Variants in ASB7 observed in about 807,000 individuals in gnomAD.
The protein encoded by ASB7 is ankyrin repeat and SOCS box containing 7.
ASB7 carries 4 observed loss-of-function variants against 32.5 expected under a neutral mutation model. The observed-to-expected ratio is 0.12, with a 90% confidence interval of 0.06 to 0.28. The LOEUF (loss-of-function observed/expected upper bound fraction) is 0.28, where lower values mean the gene tolerates loss of function less well. ASB7 is among the 10% of genes least tolerant of loss of function. The probability of loss-of-function intolerance (pLI) is 1.00; values close to 1 mark genes in which losing one functional copy is unlikely to be tolerated. For synonymous variants in ASB7, 172 were observed against 155.6 expected, an observed-to-expected ratio of 1.11 and a Z score of -0.78; for missense variants, 181 against 407.1, an observed-to-expected ratio of 0.44 and a Z score of 4.78.
intron 5 of ASB7, among the ~76,000 whole-genome samples, chr15:100,634,105 G>A (rs184364696): frequency 1.3e-3 from 195 of 152,332 alleles, no homozygotes; most frequent in Non-Finnish European, 2.4e-3. Context: ...CCTCAGTAAA[G>A]CTTGAGGAGT....
chr15:100,618,437 A>G (rs1452647646), intron 4 of ASB7, among the ~76,000 whole-genome samples: 1 of 152,120 alleles, frequency 6.6e-6, no homozygotes, highest in African/African-American at 2.4e-5. Context: ...AATTTCTTTA[A>G]AAGTTTGTGA....
chr15:100,614,856 G>C (rs1019020654), intron 4 of ASB7, among the ~76,000 whole-genome samples: 2 of 152,162 alleles, frequency 1.3e-5, no homozygotes, highest in Non-Finnish European at 2.9e-5. Flanking sequence ...GTGGGCTGCA[G>C]GTTGGACAAG....
intron 5 of ASB7, 38 bp downstream of exon 5, chr15:100,630,080 A>G (rs1264887616): frequency 6.7e-7 from 1 of 1,500,440 alleles, no homozygotes; most frequent in East Asian, 2.3e-5. Context: ...CATTTTTTAA[A>G]AATTTGCATC....
intron 3 of ASB7, among the ~76,000 whole-genome samples, chr15:100,611,506 A>C (rs1596998322): frequency 4.3e-4 from 4 of 9,292 alleles, no homozygotes; most frequent in Non-Finnish European, 9.3e-4. Flanking sequence ...TTGAGACAGA[A>C]TTTCACTCTC....
At chr15:100,613,291 T>C (rs1333571457) in intron 4 of ASB7, among the ~76,000 whole-genome samples, 1 of 152,234 alleles carries the variant, frequency 6.6e-6, no homozygotes, top group Non-Finnish European at 1.5e-5. Context: ...CAAACTTCCT[T>C]GCATTTTGAG....
intron 3 of ASB7, 58 bp downstream of exon 3, chr15:100,609,886 C>G (rs1172601191): frequency 1.3e-5 from 2 of 152,188 alleles, no homozygotes; most frequent in Non-Finnish European, 2.9e-5. Context: ...GCTCACTTAA[C>G]TTTTACTTCT....
At chr15:100,604,538 T>C (rs982033722) in intron 2 of ASB7, among the ~76,000 whole-genome samples, 22 of 152,190 alleles carry the variant, frequency 1.4e-4, no homozygotes, top group African/African-American at 5.3e-4. Flanking sequence ...AAAAAGAAAT[T>C]AGTATCTTTA....
chr15:100,618,871 TC>T (rs764154555), intron 4 of ASB7, among the ~76,000 whole-genome samples: 1 of 152,194 alleles, frequency 6.6e-6, no homozygotes, highest in Non-Finnish European at 1.5e-5. Flanking sequence ...GAGGGTTTAG[TC>T]TATGCCAAAT....
intron 4 of ASB7, among the ~76,000 whole-genome samples, chr15:100,627,398 C>T (rs929525306): frequency 3.3e-5 from 5 of 152,270 alleles, no homozygotes; most frequent in African/African-American, 1.2e-4. Flanking sequence ...GAATTTCTGT[C>T]TAGGCGTTTT....
chr15:100,620,401 G>GC (rs1348946422), intron 4 of ASB7, among the ~76,000 whole-genome samples: 1 of 152,212 alleles, frequency 6.6e-6, no homozygotes, highest in African/African-American at 2.4e-5. Flanking sequence ...TGGAACACTG[G>GC]CCTGTGCATA....
chr15:100,608,405 T>C (rs926862987), intron 2 of ASB7, among the ~76,000 whole-genome samples: 30 of 152,256 alleles, frequency 2.0e-4, no homozygotes, highest in Admixed American at 1.9e-3. Flanking sequence ...CCTTTATTTA[T>C]CGAATCAGTT....
intron 5 of ASB7, chr15:100,646,536 T>C: frequency 4.8e-6 from 2 of 417,666 alleles, no homozygotes; most frequent in South Asian, 3.8e-5. Context: ...TGCCCTTTAG[T>C]AATTAATTGA....
chr15:100,646,366 C>A, intron 5 of ASB7: 1 of 382,356 alleles, frequency 2.6e-6, no homozygotes, highest in Non-Finnish European at 5.3e-6. Context: ...ATCAAGGACA[C>A]TTCATTCTGG....
intron 5 of ASB7, among the ~76,000 whole-genome samples, chr15:100,632,951 A>C (rs937601830): frequency 6.6e-6 from 1 of 151,772 alleles, no homozygotes; most frequent in African/African-American, 2.4e-5. Flanking sequence ...GAGGCCATGA[A>C]GAGCTGCTGT....
At chr15:100,628,212 G>C (rs2039856109) in intron 4 of ASB7, among the ~76,000 whole-genome samples, 1 of 152,120 alleles carries the variant, frequency 6.6e-6, no homozygotes, top group Admixed American at 6.5e-5. Flanking sequence ...ATCTTATTTT[G>C]TATAGGTTTT....
At chr15:100,613,215 G>T (rs891958189) in intron 4 of ASB7, among the ~76,000 whole-genome samples, 2 of 152,170 alleles carry the variant, frequency 1.3e-5, no homozygotes, top group African/African-American at 2.4e-5. Flanking sequence ...GCCATTCTAG[G>T]GCTTTAATTG....
intron 4 of ASB7, among the ~76,000 whole-genome samples, chr15:100,622,608 C>T (rs1217701034): frequency 3.3e-5 from 5 of 152,148 alleles, no homozygotes; most frequent in Admixed American, 6.5e-5. Context: ...TAAAAACAGA[C>T]ACAGACCAAT....
chr15:100,650,117 T>G lies in ASB7; in HGVS notation c.*1655T>G, dbSNP rs1406304981. 6.6e-6 allele frequency: 1 copy of G among 152,286 alleles called. No individual in the cohort carries two copies. Among genetic ancestry groups the G allele is most frequent in the Non-Finnish European group, 1.5e-5 (1 of 68,110 alleles). 9.4% of individuals were successfully genotyped at this position (152,286 alleles called of 1,614,324 possible). On this transcript the variant is annotated 3_prime_UTR_variant, in exon 6 of 6. Coordinates refer to ENST00000332783, the MANE Select transcript of ASB7 (RefSeq NM_198243.3). Reference sequence around the variant, plus strand: ...AGACGGGCAGCTTCAGAGAAGAGGATTATTCGGGAGATTGCTGGTGTGGCC... The same window carrying G: ...AGACGGGCAGCTTCAGAGAAGAGGAGTATTCGGGAGATTGCTGGTGTGGCC...
intron 2 of ASB7, among the ~76,000 whole-genome samples, chr15:100,605,182 T>A (rs1409027994): frequency 6.6e-5 from 10 of 152,248 alleles, no homozygotes; most frequent in Non-Finnish European, 1.5e-4. Context: ...ATTGTCAACA[T>A]CTGTCATGTT....
Sources: allele counts gnomAD v4.1 joint callset (sites outside exome capture counted in the v4.1 genomes callset), GRCh38; gene constraint gnomAD v4.1.1; transcripts MANE v1.5; gene names NCBI Gene and HGNC (gene_info 2026-07-23, HGNC 2026-07-21).